LARGE1: variants seen among roughly 807,000 people sequenced by gnomAD.
LARGE1 encodes xylosyl- and glucuronyltransferase LARGE1.
A neutral mutation model predicts 87.6 loss-of-function variants in LARGE1; 43 were observed. The ratio of observed to expected loss-of-function variants is 0.49; its 90% CI spans 0.38 to 0.63. LARGE1 has a LOEUF of 0.63. LARGE1 is among the 30% of genes least tolerant of loss of function. The pLI, the probability that LARGE1 is intolerant of heterozygous loss-of-function variation, is 0.00. For synonymous variants in LARGE1, 434 were observed against 394.6 expected, an observed-to-expected ratio of 1.10 and a Z score of -1.18; for missense variants, 802 against 1,000.2, an observed-to-expected ratio of 0.80 and a Z score of 2.67.
In LARGE1 at chr22:33,283,271, C is replaced by G; in HGVS notation, c.1808G>C (p.Arg603Pro). ...IVPAFETLRY[R>P]LSFPKSKAEL... Reference sequence around the variant, plus strand: ...CGCTTTTGACTTGGGGAAGGACAGCCGGTAGCGCAGTGTCTCGAACGCGGG... The same window carrying G: ...CGCTTTTGACTTGGGGAAGGACAGCGGGTAGCGCAGTGTCTCGAACGCGGG... The change falls in exon 13 of 15, where the codon CGG becomes CCG. Residue 603 changes from arginine (R) to proline (P), a missense_variant. By Grantham distance (103) the Arg-to-Pro change is moderately radical. Coordinates refer to ENST00000397394, the MANE Select transcript of LARGE1 (RefSeq NM_133642.5). 6.2e-7 allele frequency: 1 copy of G among 1,614,126 alleles called. No homozygotes were observed. Among genetic ancestry groups the G allele is most frequent in the Non-Finnish European group, 8.5e-7 (1 of 1,180,014 alleles).
Position 33,738,810 on chromosome 22 carries a change from G to C in LARGE1, c.106+22561C>G, listed in dbSNP as rs551589587. Among the ~76,000 whole-genome samples, 39 of 148,024 alleles carry C rather than the reference G, an allele frequency of 2.6e-4. 1 individual carries two copies. The highest frequency in any genetic ancestry group is 1.9e-3 in the South Asian group (9 of 4,672). ...CAGTAAGCCAAGATCACGCCACTGC[G>C]CTCCAGCCTGGGTGACAGAGCGAGA... On this transcript the variant is annotated intron_variant, in intron 2 of 14. Coordinates refer to ENST00000397394, the MANE Select transcript of LARGE1 (RefSeq NM_133642.5).
intron 12 of LARGE1, among the ~76,000 whole-genome samples, chr22:33,286,202 T>C (rs572467433): frequency 6.6e-6 from 1 of 152,272 alleles, no homozygotes; most frequent in East Asian, 1.9e-4. Context: ...CTGAACAATG[T>C]TAGTTTTCAA....
At chr22:33,203,336 G>A (rs1482682045) in intron 11 of LARGE1, among the ~76,000 whole-genome samples, 3 of 152,058 alleles carry the variant, frequency 2.0e-5, no homozygotes, top group South Asian at 4.2e-4. Flanking sequence ...AGGATAATTC[G>A]AGCCTGATCT....
chr22:33,136,224 C>A, the LARGE1 span, among the ~76,000 whole-genome samples: 47 of 152,296 alleles, frequency 3.1e-4, no homozygotes, highest in African/African-American at 1.1e-3. Context: ...TAAAGACATA[C>A]CCAAGACTGG....
chr22:33,913,831 A>G (rs118167149), intron 1 of LARGE1, among the ~76,000 whole-genome samples: 5,829 of 152,202 alleles, frequency 0.038, 164 homozygotes, highest in Non-Finnish European at 0.056. Context: ...TACAGGGGTG[A>G]GCCACTGTGC....
At chr22:33,569,382 A>G (rs1466188437) in intron 5 of LARGE1, among the ~76,000 whole-genome samples, 1 of 152,206 alleles carries the variant, frequency 6.6e-6, no homozygotes, top group Non-Finnish European at 1.5e-5. Context: ...CAGGAAGACT[A>G]CAGGAATAAA....
intron 2 of LARGE1, among the ~76,000 whole-genome samples, chr22:33,714,260 T>C (rs2082845214): frequency 1.3e-5 from 2 of 151,930 alleles, no homozygotes; most frequent in South Asian, 2.1e-4. Context: ...CCTGGAAAAA[T>C]GAGGAGCCCC....
chr22:33,366,637 G>A (rs2064602695), intron 9 of LARGE1, among the ~76,000 whole-genome samples: 1 of 152,144 alleles, frequency 6.6e-6, no homozygotes, highest in African/African-American at 2.4e-5. Context: ...AGACTGGCTT[G>A]CAATCTTCCT....
chr22:33,169,184 G>T (rs1354185070), intron 11 of LARGE1, among the ~76,000 whole-genome samples: 1 of 152,174 alleles, frequency 6.6e-6, no homozygotes, highest in Non-Finnish European at 1.5e-5. Flanking sequence ...TTAAAAATCT[G>T]TCCTGTTACA....
intron 7 of LARGE1, among the ~76,000 whole-genome samples, chr22:33,391,955 G>T (rs1407327894): frequency 6.6e-6 from 1 of 151,576 alleles, no homozygotes; most frequent in Non-Finnish European, 1.5e-5. Flanking sequence ...ATTTTTAGTA[G>T]AGACAGGGTT....
intron 11 of LARGE1, among the ~76,000 whole-genome samples, chr22:33,245,452 T>C (rs1472427034): frequency 6.6e-6 from 1 of 152,252 alleles, no homozygotes; most frequent in African/African-American, 2.4e-5. Context: ...TATTTGCTCT[T>C]GAATGATCTG....
At chr22:33,648,992 C>T (rs924367511) in intron 3 of LARGE1, among the ~76,000 whole-genome samples, 3 of 152,220 alleles carry the variant, frequency 2.0e-5, no homozygotes, top group African/African-American at 7.2e-5. Context: ...ACCACCTCCT[C>T]GCCCAGGTTC....
intron 2 of LARGE1, among the ~76,000 whole-genome samples, chr22:33,751,492 A>C (rs1439856677): frequency 2.6e-5 from 4 of 151,924 alleles, no homozygotes; most frequent in South Asian, 2.1e-4. Context: ...CTCAAAAAAA[A>C]AAAAACAAAA....
At chr22:33,467,643 A>G (rs894680875) in intron 6 of LARGE1, among the ~76,000 whole-genome samples, 5 of 152,174 alleles carry the variant, frequency 3.3e-5, no homozygotes, top group African/African-American at 1.2e-4. Context: ...ACCCTGCGAT[A>G]TTTCATTCAT....
intron 1 of LARGE1, among the ~76,000 whole-genome samples, chr22:33,919,656 G>T (rs368475313): frequency 3.3e-5 from 5 of 152,264 alleles, no homozygotes; most frequent in South Asian, 4.1e-4. Context: ...GGCAGGCTCC[G>T]CGAACCACAG....
At chr22:33,136,724 A>G in the LARGE1 span, among the ~76,000 whole-genome samples, 1 of 152,178 alleles carries the variant, frequency 6.6e-6, no homozygotes, top group Non-Finnish European at 1.5e-5. Flanking sequence ...AGATGCAATT[A>G]GTTTCATGAC....
chr22:33,832,280 A>T (rs1026579592), intron 1 of LARGE1, among the ~76,000 whole-genome samples: 3 of 152,202 alleles, frequency 2.0e-5, no homozygotes, highest in Non-Finnish European at 4.4e-5. Flanking sequence ...TCATGTATGG[A>T]GTCCCATTCT....
At chr22:33,526,240 A>C (rs757617283) in intron 6 of LARGE1, among the ~76,000 whole-genome samples, 1 of 152,262 alleles carries the variant, frequency 6.6e-6, no homozygotes, top group Admixed American at 6.5e-5. Flanking sequence ...TATGAAAAAA[A>C]ATTCTACAGA....
At position 33,907,238 on chromosome 22, in the gene LARGE1, C is replaced by T. The variant is rs542787120; in HGVS notation, c.-83+12757G>A. On this transcript the variant is annotated intron_variant, in intron 1 of 14. Coordinates refer to ENST00000397394, the MANE Select transcript of LARGE1 (RefSeq NM_133642.5). ...AGCAAACCTATTCATGCAGCACTCA[C>T]GCCTGGCTTACAAGGGCAGTGCCAT... is the stretch of plus-strand genomic sequence containing the variant. Among the ~76,000 whole-genome samples the T allele has an allele frequency of 8.5e-4, 129 of 152,308 alleles. 5 individuals carry two copies. In the South Asian group the frequency reaches 0.024, roughly 29 times the overall value.
Sources: allele counts gnomAD v4.1 joint callset (sites outside exome capture counted in the v4.1 genomes callset), GRCh38; gene constraint gnomAD v4.1.1; transcripts MANE v1.5; gene names NCBI Gene and HGNC (gene_info 2026-07-23, HGNC 2026-07-21).